LHFPL3: variants seen among roughly 807,000 people sequenced by gnomAD.
LHFPL3 encodes the protein LHFPL tetraspan subfamily member 3 protein.
A neutral mutation model predicts 19.3 loss-of-function variants in LHFPL3; 5 were observed. The observed-to-expected ratio is 0.26, with a 90% CI of 0.14 to 0.54. The LOEUF is 0.54. LHFPL3 is among the 20% of genes least tolerant of loss of function. The probability of loss-of-function intolerance (pLI) is 0.94; values close to 1 mark genes in which losing one functional copy is unlikely to be tolerated. For missense variants in LHFPL3, 249 were observed against 307.4 expected (o/e 0.81, Z 1.42); for synonymous variants, 133 against 126.2 (o/e 1.05, Z -0.36).
chr7:104,770,319 T>C (rs756863062), intron 2 of LHFPL3, among the ~76,000 whole-genome samples: 1 of 152,116 alleles, frequency 6.6e-6, no homozygotes, highest in Non-Finnish European at 1.5e-5. Flanking sequence ...GACACTCATT[T>C]TGAGTTTGGA....
At chr7:104,888,412 T>G (rs1792189750) in intron 2 of LHFPL3, among the ~76,000 whole-genome samples, 1 of 152,030 alleles carries the variant, frequency 6.6e-6, no homozygotes, top group Non-Finnish European at 1.5e-5. Flanking sequence ...TGCCTGTAGC[T>G]CCAGCTAACC....
intron 2 of LHFPL3, among the ~76,000 whole-genome samples, chr7:104,862,931 C>T (rs755148819): frequency 1.3e-4 from 20 of 152,168 alleles, no homozygotes; most frequent in South Asian, 2.1e-4. Context: ...TACAGTAACA[C>T]GACAGTATGT....
intron 1 of LHFPL3, among the ~76,000 whole-genome samples, chr7:104,449,381 T>C (rs1792387979): frequency 6.6e-6 from 1 of 152,194 alleles, no homozygotes; most frequent in Admixed American, 6.5e-5. Context: ...GTACATATAT[T>C]GAGTACAGGT....
chr7:104,351,724 GC>G (rs1790178034), intron 1 of LHFPL3, among the ~76,000 whole-genome samples: 2 of 152,166 alleles, frequency 1.3e-5, no homozygotes, highest in East Asian at 3.8e-4. Flanking sequence ...TTTCAAGGTG[GC>G]AACACATTGA....
chr7:104,487,179 A>G (rs1027274598), intron 1 of LHFPL3, among the ~76,000 whole-genome samples: 4 of 152,184 alleles, frequency 2.6e-5, no homozygotes, highest in Non-Finnish European at 5.9e-5. Flanking sequence ...AACCAGTTTT[A>G]TCATAGGCCA....
chr7:104,605,164 T>A (rs188858489), intron 1 of LHFPL3, among the ~76,000 whole-genome samples: 5 of 152,348 alleles, frequency 3.3e-5, no homozygotes, highest in Non-Finnish European at 7.3e-5. Flanking sequence ...GGGAAATATT[T>A]TACACTATCA....
At chr7:104,599,205 G>GA (rs1790919463) in intron 1 of LHFPL3, among the ~76,000 whole-genome samples, 1 of 152,076 alleles carries the variant, frequency 6.6e-6, no homozygotes, top group African/African-American at 2.4e-5. Context: ...ATCAATGAGG[G>GA]TTATTCCTAT....
chr7:104,490,749 G>T (rs1793326545), intron 1 of LHFPL3, among the ~76,000 whole-genome samples: 1 of 152,156 alleles, frequency 6.6e-6, no homozygotes, highest in Admixed American at 6.5e-5. Context: ...CAAAAATATT[G>T]CTCAAATTCT....
At chr7:104,662,556 C>G (rs1792245189) in intron 1 of LHFPL3, among the ~76,000 whole-genome samples, 1 of 152,156 alleles carries the variant, frequency 6.6e-6, no homozygotes, top group Admixed American at 6.5e-5. Flanking sequence ...CTCTCTATAA[C>G]TGTGTCTCAT....
intron 1 of LHFPL3, among the ~76,000 whole-genome samples, chr7:104,461,418 A>G (rs1792660496): frequency 6.6e-6 from 1 of 152,244 alleles, no homozygotes; most frequent in Non-Finnish European, 1.5e-5. Context: ...AATCATCTGC[A>G]TATGACTAGC....
At chr7:104,408,279 G>C (rs943391504) in intron 1 of LHFPL3, among the ~76,000 whole-genome samples, 1 of 151,808 alleles carries the variant, frequency 6.6e-6, no homozygotes, top group African/African-American at 2.4e-5. Flanking sequence ...TCTCATTTCT[G>C]TTATTTCAGA....
At chr7:104,631,986 G>T (rs1791650714) in intron 1 of LHFPL3, among the ~76,000 whole-genome samples, 1 of 152,102 alleles carries the variant, frequency 6.6e-6, no homozygotes. Context: ...GAAAAATCAG[G>T]GACTGCTTTA....
At chr7:104,355,263 C>G in intron 1 of LHFPL3, among the ~76,000 whole-genome samples, 1 of 152,120 alleles carries the variant, frequency 6.6e-6, no homozygotes, top group East Asian at 1.9e-4. Flanking sequence ...GTCAATATCC[C>G]CAATTCCCCC....
intron 2 of LHFPL3, among the ~76,000 whole-genome samples, chr7:104,820,286 A>T (rs7801226): frequency 0.23 from 34,642 of 152,114 alleles, 4,076 homozygotes; most frequent in Middle Eastern, 0.31. Flanking sequence ...GTGCTAATAA[A>T]GTACCATGGC....
intron 1 of LHFPL3, among the ~76,000 whole-genome samples, chr7:104,729,893 C>T (rs1562975060): frequency 6.6e-6 from 1 of 151,838 alleles, no homozygotes; most frequent in African/African-American, 2.4e-5. Flanking sequence ...TATCCCTCCC[C>T]ACTCCCCCCA....
At chr7:104,388,627 A>T (rs745807613) in intron 1 of LHFPL3, among the ~76,000 whole-genome samples, 1 of 152,188 alleles carries the variant, frequency 6.6e-6, no homozygotes, top group Non-Finnish European at 1.5e-5. Flanking sequence ...ATATAGACAC[A>T]AAATCCTCAA....
Position 104,355,395 on chromosome 7 carries a change from T to A in LHFPL3, c.445+26171T>A, listed in dbSNP as rs371421298. Among the ~76,000 whole-genome samples the A allele has an allele frequency of 3.8e-4, 58 of 152,308 alleles. 1 individual carries two copies. Among genetic ancestry groups the A allele is most frequent in the African/African-American group, 1.4e-3 (57 of 41,568 alleles). ...ACTTGGACCAGCATGGTTCTCTAGA[T>A]GTAGTCCATGGATGGGGTGGTGCCC... is the stretch of plus-strand genomic sequence containing the variant. On this transcript the variant is annotated intron_variant, in intron 1 of 2. Transcript: ENST00000424859.
intron 1 of LHFPL3, among the ~76,000 whole-genome samples, chr7:104,532,661 G>A (rs957043169): frequency 3.9e-4 from 60 of 151,998 alleles, no homozygotes; most frequent in African/African-American, 1.4e-3. Flanking sequence ...TTTGCTTCTG[G>A]AAACAAAAGC....
intron 1 of LHFPL3, among the ~76,000 whole-genome samples, chr7:104,340,287 A>G (rs1789921296): frequency 1.3e-5 from 2 of 152,238 alleles, no homozygotes; most frequent in Admixed American, 1.3e-4. Flanking sequence ...AGTAAATGTT[A>G]GGCAAACCAT....
Sources: allele counts gnomAD v4.1 joint callset (sites outside exome capture counted in the v4.1 genomes callset), GRCh38; gene constraint gnomAD v4.1.1; transcripts MANE v1.5; gene names NCBI Gene and HGNC (gene_info 2026-07-23, HGNC 2026-07-21).